Variants in CDH20 observed in about 807,000 individuals in gnomAD.
CDH20 encodes the protein cadherin-20.
Under a neutral mutation model 74.2 loss-of-function variants are expected in CDH20, and 29 were observed. The ratio of observed to expected loss-of-function variants is 0.39; its 90% CI spans 0.29 to 0.53. The LOEUF is 0.53. CDH20 is among the 20% of genes least tolerant of loss of function. The probability of loss-of-function intolerance (pLI) is 0.69; values close to 1 mark genes in which losing one functional copy is unlikely to be tolerated. For missense variants in CDH20, 988 were observed against 1,048.3 expected (o/e 0.94, Z 0.79); for synonymous variants, 469 against 405.4 (o/e 1.16, Z -1.88).
intron 1 of CDH20, among the ~76,000 whole-genome samples, chr18:61,454,883 T>C (rs1909520485): frequency 6.6e-6 from 1 of 152,168 alleles, no homozygotes; most frequent in South Asian, 2.1e-4. Context: ...TAGAGACAGA[T>C]GCATTATTTG....
chr18:61,504,356 T>C (rs971487436), intron 5 of CDH20, among the ~76,000 whole-genome samples: 1 of 152,190 alleles, frequency 6.6e-6, no homozygotes, highest in Non-Finnish European at 1.5e-5. Flanking sequence ...CTTGATTTCC[T>C]GGCTAAGGGA....
chr18:61,347,494 G>T (rs561290703), intron 1 of CDH20, among the ~76,000 whole-genome samples: 3 of 149,670 alleles, frequency 2.0e-5, no homozygotes, highest in Non-Finnish European at 3.0e-5. Context: ...TACTCCAGCC[G>T]GGTTGATGGA....
chr18:61,458,322 C>T (rs1004774770), intron 1 of CDH20, among the ~76,000 whole-genome samples: 1 of 152,302 alleles, frequency 6.6e-6, no homozygotes, highest in East Asian at 1.9e-4. Flanking sequence ...AACTCCAAAA[C>T]ACCAAAAGTT....
At chr18:61,354,215 T>C (rs1157034369) in intron 1 of CDH20, among the ~76,000 whole-genome samples, 1 of 152,180 alleles carries the variant, frequency 6.6e-6, no homozygotes, top group Non-Finnish European at 1.5e-5. Flanking sequence ...TGAGTGCTGG[T>C]CTCGACACCA....
chr18:61,438,751 T>C (rs1908920278), intron 1 of CDH20, among the ~76,000 whole-genome samples: 1 of 152,184 alleles, frequency 6.6e-6, no homozygotes, highest in African/African-American at 2.4e-5. Context: ...ATCCCATTAC[T>C]GGATATATAT....
At chr18:61,525,961 CTAAT>C (rs1912383654) in intron 6 of CDH20, among the ~76,000 whole-genome samples, 1 of 133,842 alleles carries the variant, frequency 7.5e-6, no homozygotes, top group East Asian at 2.1e-4. Flanking sequence ...CCACACCCAG[CTAAT>C]TTTTTTTTTT....
chr18:61,519,659 G>A (rs1912120985), intron 6 of CDH20, among the ~76,000 whole-genome samples: 2 of 151,202 alleles, frequency 1.3e-5, no homozygotes, highest in Non-Finnish European at 2.9e-5. Flanking sequence ...ACCAGCCACT[G>A]CAAAAACATA....
At chr18:61,391,023 G>T (rs956023290) in intron 1 of CDH20, among the ~76,000 whole-genome samples, 3 of 152,056 alleles carry the variant, frequency 2.0e-5, no homozygotes, top group African/African-American at 7.2e-5. Context: ...GAACAAAGTA[G>T]AATAGGAAAC....
At chr18:61,504,046 G>A (rs1323034585) in intron 5 of CDH20, among the ~76,000 whole-genome samples, 1 of 151,732 alleles carries the variant, frequency 6.6e-6, no homozygotes, top group Non-Finnish European at 1.5e-5. Flanking sequence ...AAAAAAAACT[G>A]CTGCCTGGAA....
chr18:61,367,130 C>T (rs186648465), intron 1 of CDH20, among the ~76,000 whole-genome samples: 3 of 152,108 alleles, frequency 2.0e-5, no homozygotes, highest in East Asian at 3.8e-4. Flanking sequence ...TAAAACATTT[C>T]CTCTCATGTA....
chr18:61,484,521 G>A (rs1311597283), intron 1 of CDH20, among the ~76,000 whole-genome samples: 2 of 152,174 alleles, frequency 1.3e-5, no homozygotes, highest in African/African-American at 4.8e-5. Context: ...TAGCAAGAAT[G>A]AAAAGCACAG....
intron 7 of CDH20, among the ~76,000 whole-genome samples, chr18:61,529,690 A>G (rs948880042): frequency 6.6e-6 from 1 of 152,210 alleles, no homozygotes; most frequent in South Asian, 2.1e-4. Context: ...TATTAATTAT[A>G]TATGTATTAA....
chr18:61,552,776 G>A (rs974784725), intron 11 of CDH20, among the ~76,000 whole-genome samples: 1 of 152,160 alleles, frequency 6.6e-6, no homozygotes, highest in South Asian at 2.1e-4. Context: ...TAGCATAGAG[G>A]ATTAAAAATA....
chr18:61,498,500 G>A (rs1348859936), intron 2 of CDH20, among the ~76,000 whole-genome samples: 1 of 151,846 alleles, frequency 6.6e-6, no homozygotes, highest in Non-Finnish European at 1.5e-5. Context: ...ATAGATTTAA[G>A]TGACTCAGTT....
chr18:61,412,632 A>T (rs1039952370), intron 1 of CDH20, among the ~76,000 whole-genome samples: 5 of 152,180 alleles, frequency 3.3e-5, no homozygotes, highest in African/African-American at 1.2e-4. Flanking sequence ...CTGAAAGGGG[A>T]TGTGGAATCA....
chr18:61,373,488 C>T (rs1001212859), intron 1 of CDH20, among the ~76,000 whole-genome samples: 1 of 152,106 alleles, frequency 6.6e-6, no homozygotes, highest in Admixed American at 6.6e-5. Context: ...CTCCATCTTC[C>T]CTCATGGCAC....
intron 1 of CDH20, among the ~76,000 whole-genome samples, chr18:61,468,484 C>A (rs371278886): frequency 4.6e-5 from 7 of 152,050 alleles, no homozygotes; most frequent in African/African-American, 1.4e-4. Flanking sequence ...AATGGTAAAT[C>A]TTTTCTAAGA....
chr18:61,515,367 G>GTGCGC, intron 6 of CDH20, among the ~76,000 whole-genome samples: 1 of 151,466 alleles, frequency 6.6e-6, no homozygotes, highest in South Asian at 2.1e-4. Context: ...GCTCGCGCAC[G>GTGCGC]GTGCACGCAC....
At chr18:61,358,713 A>G (rs971816143) in intron 1 of CDH20, among the ~76,000 whole-genome samples, 1 of 152,098 alleles carries the variant, frequency 6.6e-6, no homozygotes, top group Non-Finnish European at 1.5e-5. Flanking sequence ...TAATACCATA[A>G]TGCTGCTTAA....
Sources: allele counts gnomAD v4.1 joint callset (sites outside exome capture counted in the v4.1 genomes callset), GRCh38; gene constraint gnomAD v4.1.1; transcripts MANE v1.5; gene names NCBI Gene and HGNC (gene_info 2026-07-23, HGNC 2026-07-21).